SYNPR: variants seen among roughly 807,000 people sequenced by gnomAD.
The protein encoded by SYNPR is synaptoporin.
SYNPR carries 23 observed loss-of-function variants against 32.9 expected under a neutral mutation model. The ratio of observed to expected loss-of-function variants is 0.70; its 90% CI spans 0.50 to 0.99. SYNPR has a LOEUF of 0.99. Among genes scored for constraint, SYNPR ranks in the 50% least tolerant of loss-of-function variants. SYNPR has a pLI of 0.00. For missense variants in SYNPR, 318 were observed against 349.3 expected, an observed-to-expected ratio of 0.91 and a Z score of 0.71; for synonymous variants, 146 against 135.9, an observed-to-expected ratio of 1.07 and a Z score of -0.52.
upstream of SYNPR, among the ~76,000 whole-genome samples, chr3:63,223,637 T>G (rs534371445): frequency 6.6e-6 from 1 of 152,300 alleles, no homozygotes; most frequent in African/African-American, 2.4e-5. Flanking sequence ...ATAAATCATT[T>G]AGAGCTGGTT....
rs1213043684 is a variant in SYNPR, at chr3:63,411,005, A to T, written c.85-69827A>T. Among the ~76,000 whole-genome samples the T allele has an allele frequency of 3.9e-5, 6 of 152,230 alleles. No homozygotes were observed. In the East Asian group the frequency reaches 1.2e-3, roughly 29 times the overall value. On this transcript the variant is annotated intron_variant, in intron 2 of 5. Coordinates refer to ENST00000478300, the MANE Select transcript of SYNPR (RefSeq NM_001130003.2). ...AATTTGGCATTAAGCCCAGTTCTCT[A>T]AACAACTTCCCAGTATCTTTTAACT... is the stretch of plus-strand genomic sequence containing the variant.
chr3:63,373,745 A>G (rs1009609161), intron 2 of SYNPR, among the ~76,000 whole-genome samples: 1 of 152,146 alleles, frequency 6.6e-6, no homozygotes, highest in Non-Finnish European at 1.5e-5. Flanking sequence ...AAGATACTAC[A>G]CAAGAAGACC....
At chr3:63,231,374 C>T (rs2086165405) in intron 1 of SYNPR, among the ~76,000 whole-genome samples, 1 of 152,000 alleles carries the variant, frequency 6.6e-6, no homozygotes, top group Non-Finnish European at 1.5e-5. Context: ...ATATTGGATA[C>T]AATGTATGCT....
chr3:63,556,928 C>T lies in SYNPR; in HGVS notation c.408+187C>T, dbSNP rs573066066. Among the ~76,000 whole-genome samples, 29 of 152,238 alleles carry T rather than the reference C, an allele frequency of 1.9e-4. 1 individual carries two copies. The South Asian group carries it at 5.8e-3, about 30-fold the overall frequency. ...TCTGTCAATCTCTTGTGCTCCTGGG[C>T]TGGGAAAGTATCACCCAACTTGCTA... On this transcript the variant is annotated intron_variant, in intron 4 of 5. Coordinates refer to ENST00000478300, the MANE Select transcript of SYNPR (RefSeq NM_001130003.2).
At chr3:63,403,042 A>G (rs2088312969) in intron 2 of SYNPR, among the ~76,000 whole-genome samples, 1 of 152,208 alleles carries the variant, frequency 6.6e-6, no homozygotes, top group African/African-American at 2.4e-5. Context: ...ACATTAACAG[A>G]GAGAATGTTT....
intron 2 of SYNPR, among the ~76,000 whole-genome samples, chr3:63,467,020 T>C (rs1559507624): frequency 6.6e-6 from 1 of 152,090 alleles, no homozygotes; most frequent in Non-Finnish European, 1.5e-5. Flanking sequence ...ATTTGTTTAT[T>C]TTTGTTTTGA....
At chr3:63,545,901 C>T (rs549059187) in intron 3 of SYNPR, among the ~76,000 whole-genome samples, 1 of 152,198 alleles carries the variant, frequency 6.6e-6, no homozygotes, top group African/African-American at 2.4e-5. Context: ...TTATAAATAT[C>T]TTTTAATCAA....
chr3:63,237,401 C>A (rs2086207853), intron 1 of SYNPR, among the ~76,000 whole-genome samples: 1 of 151,560 alleles, frequency 6.6e-6, no homozygotes, highest in Non-Finnish European at 1.5e-5. Flanking sequence ...CCATTTTGTT[C>A]TTTTTAATTG....
At chr3:63,615,107 G>A (rs533880624) in intron 5 of SYNPR, 117 bp from the exon 6 acceptor site, 36 of 1,256,678 alleles carry the variant, frequency 2.9e-5, no homozygotes, top group South Asian at 1.1e-4. Flanking sequence ...ACTTGGAAGC[G>A]GACTCAACAT....
intron 4 of SYNPR, among the ~76,000 whole-genome samples, chr3:63,578,848 C>A (rs556936876): frequency 6.6e-6 from 1 of 152,258 alleles, no homozygotes; most frequent in East Asian, 1.9e-4. Context: ...AGCCAATATG[C>A]TCAACTGGTA....
chr3:63,264,045 G>A (rs2086460857), intron 2 of SYNPR, among the ~76,000 whole-genome samples: 1 of 152,096 alleles, frequency 6.6e-6, no homozygotes, highest in African/African-American at 2.4e-5. Flanking sequence ...AAGTCACACA[G>A]CCCTTACATG....
chr3:63,580,627 G>T (rs1341162246), intron 4 of SYNPR, among the ~76,000 whole-genome samples: 1 of 152,088 alleles, frequency 6.6e-6, no homozygotes, highest in Non-Finnish European at 1.5e-5. Flanking sequence ...TGAGTCTCTG[G>T]TTATGAAACC....
intron 3 of SYNPR, among the ~76,000 whole-genome samples, chr3:63,532,336 A>G (rs1702127144): frequency 6.6e-6 from 1 of 152,198 alleles, no homozygotes; most frequent in African/African-American, 2.4e-5. Flanking sequence ...ATCAGCATGA[A>G]AGAAGCATTT....
At chr3:63,547,057 G>A (rs931146689) in intron 3 of SYNPR, among the ~76,000 whole-genome samples, 4 of 152,036 alleles carry the variant, frequency 2.6e-5, no homozygotes, top group African/African-American at 9.7e-5. Flanking sequence ...TGACCTTCCT[G>A]GAAACAAATA....
At chr3:63,258,138 C>T (rs998490706) in intron 2 of SYNPR, among the ~76,000 whole-genome samples, 25 of 152,084 alleles carry the variant, frequency 1.6e-4, no homozygotes, top group Admixed American at 1.6e-3. Context: ...TTTAACACCC[C>T]ACTGTCAACA....
At chr3:63,571,859 T>C (rs1702893230) in intron 4 of SYNPR, among the ~76,000 whole-genome samples, 1 of 152,176 alleles carries the variant, frequency 6.6e-6, no homozygotes, top group African/African-American at 2.4e-5. Context: ...CCTAGGACAA[T>C]GCCACCCTTT....
At chr3:63,330,101 T>C (rs1221817883) in intron 2 of SYNPR, 1 of 152,158 alleles carries the variant, frequency 6.6e-6, no homozygotes, top group Non-Finnish European at 1.5e-5. Context: ...AGAAGCTCAG[T>C]GACTCTTTCT....
intron 2 of SYNPR, among the ~76,000 whole-genome samples, chr3:63,451,048 A>T (rs1314862952): frequency 6.6e-6 from 1 of 152,196 alleles, no homozygotes; most frequent in Non-Finnish European, 1.5e-5. Flanking sequence ...ATGGCCTTAG[A>T]CAATTCATCT....
rs367857532 is a variant in SYNPR at position 63,491,495 on chromosome 3, C to T, written c.209+10539C>T. ...GCCCACAGGTGAAGAATGGCTTTTA[C>T]ACTTTTAAAGGTTTATGTGTATATG... is the stretch of plus-strand genomic sequence containing the variant. On this transcript the variant is annotated intron_variant, in intron 3 of 5. Transcript: ENST00000478300. 3.4e-4 allele frequency among the ~76,000 whole-genome samples: 52 copies of T among 152,206 alleles called. No individual in the cohort carries two copies. The South Asian group carries it at 1.0e-2, about 29-fold the overall frequency.
Sources: gnomAD v4.1 joint callset for allele counts (sites outside exome capture counted in the v4.1 genomes callset) on GRCh38, gnomAD v4.1.1 for gene constraint, MANE v1.5 for transcripts, NCBI Gene and HGNC (gene_info 2026-07-23, HGNC 2026-07-21) for gene names.